The following PARVB variants were observed in gnomAD, a reference collection of about 807,000 sequenced individuals.
PARVB encodes beta-parvin.
Under a neutral mutation model 47.0 loss-of-function variants are expected in PARVB, and 46 were observed. The observed-to-expected ratio is 0.98, with a 90% CI of 0.77 to 1.25. The LOEUF (loss-of-function observed/expected upper bound fraction) is 1.25. PARVB is among the 50% of genes most tolerant of loss of function. The pLI, the probability that PARVB is intolerant of heterozygous loss-of-function variation, is 0.00. For synonymous variants in PARVB, 196 were observed against 196.3 expected (o/e 1.00, Z 0.01); for missense variants, 473 against 471.6 (o/e 1.00, Z -0.03).
intron 1 of PARVB, among the ~76,000 whole-genome samples, chr22:44,047,517 C>T (rs1374844212): frequency 3.9e-5 from 6 of 151,922 alleles, no homozygotes; most frequent in Non-Finnish European, 7.4e-5. Context: ...CAAAATTAGC[C>T]GGGCATGGTG....
intron 9 of PARVB, chr22:44,151,122 G>T: frequency 5.4e-6 from 1 of 186,188 alleles, no homozygotes; most frequent in Non-Finnish European, 1.1e-5. Context: ...TATTGTTCCA[G>T]GTCACACCTA....
intron 4 of PARVB, among the ~76,000 whole-genome samples, chr22:44,122,510 G>A (rs1026989287): frequency 1.1e-5 from 1 of 91,406 alleles, no homozygotes; most frequent in East Asian, 2.9e-4. Context: ...GAGAGAGAGA[G>A]AGAGAGAGAC....
chr22:44,097,843 G>A (rs1487934812), intron 2 of PARVB, among the ~76,000 whole-genome samples: 2 of 152,178 alleles, frequency 1.3e-5, no homozygotes, highest in African/African-American at 4.8e-5. Context: ...AGTAAGCCTC[G>A]AAACGGCATC....
chr22:44,060,666 G>C (rs868819611), intron 1 of PARVB, among the ~76,000 whole-genome samples: 9 of 152,080 alleles, frequency 5.9e-5, no homozygotes, highest in African/African-American at 1.9e-4. Context: ...AGGCGAAGGA[G>C]AGGTCTCATA....
intron 11 of PARVB, among the ~76,000 whole-genome samples, chr22:44,158,770 A>C (rs1321541638): frequency 6.6e-6 from 1 of 152,234 alleles, no homozygotes; most frequent in Non-Finnish European, 1.5e-5. Context: ...AGCAGTATTT[A>C]GCACATTGCC....
At chr22:44,063,821 T>C (rs770202950) in intron 1 of PARVB, among the ~76,000 whole-genome samples, 44 of 152,260 alleles carry the variant, frequency 2.9e-4, no homozygotes, top group Admixed American at 5.2e-4. Flanking sequence ...CTCCAGGGCA[T>C]GTGAGAAGCT....
At chr22:44,024,769 C>T (rs949123858) in intron 1 of PARVB, among the ~76,000 whole-genome samples, 16 of 152,184 alleles carry the variant, frequency 1.1e-4, no homozygotes, top group African/African-American at 3.6e-4. Context: ...CCTGGGCCAG[C>T]GGCATAGCCA....
chr22:44,022,856 T>G (rs1299177695), upstream of PARVB, among the ~76,000 whole-genome samples: 2 of 151,920 alleles, frequency 1.3e-5, no homozygotes. Flanking sequence ...AAGCGATCCT[T>G]GTGCCTCAGC....
intron 2 of PARVB, among the ~76,000 whole-genome samples, chr22:43,999,942 G>A (rs1338188230): frequency 1.3e-5 from 2 of 151,634 alleles, no homozygotes; most frequent in Non-Finnish European, 2.9e-5. Flanking sequence ...AGGAGGTTAA[G>A]GCTGCAGTGA....
intron 6 of PARVB, among the ~76,000 whole-genome samples, chr22:44,134,897 A>T (rs1280749948): frequency 1.3e-5 from 2 of 152,184 alleles, no homozygotes; most frequent in Admixed American, 1.3e-4. Context: ...CATGTCTACA[A>T]TCCTAGACCT....
chr22:44,056,534 C>T (rs1255467400), intron 1 of PARVB, among the ~76,000 whole-genome samples: 1 of 152,144 alleles, frequency 6.6e-6, no homozygotes, highest in Admixed American at 6.5e-5. Flanking sequence ...GAGACAGGTT[C>T]TCCCTCTGTC....
At chr22:44,122,562 CAGAGAGAGAG>C (rs55865160) in intron 4 of PARVB, among the ~76,000 whole-genome samples, 973 of 78,682 alleles carry the variant, frequency 0.012, 18 homozygotes, top group African/African-American at 0.028. Flanking sequence ...GACACAGAGA[CAGAGAGAGAG>C]AGAGAGAGAG....
intron 6 of PARVB, among the ~76,000 whole-genome samples, chr22:44,134,515 C>T (rs1169716123): frequency 6.6e-6 from 1 of 152,184 alleles, no homozygotes; most frequent in African/African-American, 2.4e-5. Flanking sequence ...AAGTTTGAAC[C>T]AGGCAAGCAC....
intron 3 of PARVB, chr22:44,112,951 G>T (rs574725638): frequency 3.5e-4 from 3 of 8,572 alleles, no homozygotes; most frequent in East Asian, 5.0e-3. Context: ...ACACAGATAC[G>T]TTGTTACTAA....
intron 3 of PARVB, among the ~76,000 whole-genome samples, chr22:44,116,807 T>C (rs1032745530): frequency 2.6e-5 from 4 of 151,164 alleles, no homozygotes; most frequent in Non-Finnish European, 5.9e-5. Context: ...GCTCAGGTAG[T>C]GAGGGAGGGG....
At chr22:44,159,871 C>T (rs949838476) in intron 11 of PARVB, among the ~76,000 whole-genome samples, 1 of 152,134 alleles carries the variant, frequency 6.6e-6, no homozygotes, top group Non-Finnish European at 1.5e-5. Context: ...GCTGAGACCC[C>T]GAGGTGCGTT....
chr22:44,016,099 C>CTTTCT (rs1555891722), intron 2 of PARVB, among the ~76,000 whole-genome samples: 4 of 129,194 alleles, frequency 3.1e-5, no homozygotes, highest in African/African-American at 5.9e-5. Context: ...TTCTTTCTTT[C>CTTTCT]TTTTTTTTTT....
intron 10 of PARVB, among the ~76,000 whole-genome samples, chr22:44,157,078 A>G (rs895090063): frequency 6.6e-6 from 1 of 152,248 alleles, no homozygotes. Context: ...ATTCAAACAA[A>G]AACATTTTAA....
intron 1 of PARVB, among the ~76,000 whole-genome samples, chr22:44,025,875 G>A (rs1218657984): frequency 1.3e-5 from 2 of 152,194 alleles, no homozygotes; most frequent in Admixed American, 1.3e-4. Context: ...CATGGGCCAG[G>A]TGCTGCTTAG....
Sources: gnomAD v4.1 joint callset for allele counts (sites outside exome capture counted in the v4.1 genomes callset) on GRCh38, gnomAD v4.1.1 for gene constraint, MANE v1.5 for transcripts, NCBI Gene and HGNC (gene_info 2026-07-23, HGNC 2026-07-21) for gene names.